Variants in SSR3 observed in about 807,000 individuals in gnomAD.
SSR3 encodes signal sequence receptor subunit 3.
Under a neutral mutation model 22.1 loss-of-function variants are expected in SSR3, and 10 were observed. The observed-to-expected ratio is 0.45, with a 90% CI of 0.28 to 0.77. The LOEUF is 0.77. SSR3 is among the 30% of genes least tolerant of loss of function. SSR3 has a pLI of 0.13. For missense variants in SSR3, 181 were observed against 220.5 expected (o/e 0.82, Z 1.13); for synonymous variants, 104 against 82.5 (o/e 1.26, Z -1.42).
At chr3:156,547,871 T>C (rs1719816175) in intron 3 of SSR3, among the ~76,000 whole-genome samples, 1 of 152,206 alleles carries the variant, frequency 6.6e-6, no homozygotes. Context: ...CCCTGACACC[T>C]GGAAACCCAC....
In SSR3 at chr3:156,540,023, A is replaced by ACTT. The variant is rs1036337163; in HGVS notation, c.*3177_*3179dup. 4 of 152,242 alleles carry ACTT rather than the reference A, an allele frequency of 2.6e-5. No homozygotes were observed. The highest frequency in any genetic ancestry group is 4.4e-5 in the Non-Finnish European group (3 of 68,044). The allele number at this position is 152,242 out of a possible 1,614,324, so 9.4% of individuals were successfully genotyped here. A position where few individuals can be genotyped will look rare whatever the true frequency, so the allele number is the denominator to read the frequency against. On this transcript the variant is annotated 3_prime_UTR_variant, in exon 5 of 5. Transcript: ENST00000265044. ...GCATGGTCAGCACATGTATCCCAGA[A>ACTT]CTTAAAGTAAAATAAAAAATAAAAC...
rs577190463 is a variant in SSR3, at chr3:156,540,999, T to A, written c.*2204A>T. ...CTTTATAATCTTATGCACAGAAATG[T>A]ATCTATTAGTACAGAAAGTTGGAAA... On this transcript the variant is annotated 3_prime_UTR_variant, in exon 5 of 5. Coordinates refer to ENST00000265044, the MANE Select transcript of SSR3 (RefSeq NM_007107.5). The A allele has an allele frequency of 2.0e-4, 31 of 152,300 alleles. No individual in the cohort carries two copies. Among genetic ancestry groups the A allele is most frequent in the African/African-American group, 7.5e-4 (31 of 41,564 alleles). 9.4% of individuals were successfully genotyped at this position (152,300 alleles called of 1,614,324 possible).
rs1028138766 is a variant in SSR3 at position 156,540,274 on chromosome 3, T to C, written c.*2929A>G. 2 of 152,184 alleles carry C rather than the reference T, an allele frequency of 1.3e-5. No individual in the cohort carries two copies. The highest frequency in any genetic ancestry group is 4.8e-5 in the African/African-American group (2 of 41,438). 9.4% of individuals were successfully genotyped at this position (152,184 alleles called of 1,614,324 possible). A position where few individuals can be genotyped will look rare whatever the true frequency, so the allele number is the denominator to read the frequency against. On this transcript the variant is annotated 3_prime_UTR_variant, in exon 5 of 5. Transcript: ENST00000265044. ...TTATCCTTTCCAAGTTTCAATAATA[T>C]GGCAAATAGGACAACCAGTAAACTT...
chr3:156,550,524 T>A (rs1228705822), intron 2 of SSR3, among the ~76,000 whole-genome samples: 1 of 152,188 alleles, frequency 6.6e-6, no homozygotes, highest in African/African-American at 2.4e-5. Flanking sequence ...CTTAGAGCTC[T>A]CAGAAAATAA....
chr3:156,550,988 C>T (rs985919921), intron 2 of SSR3, among the ~76,000 whole-genome samples: 1 of 152,208 alleles, frequency 6.6e-6, no homozygotes, highest in African/African-American at 2.4e-5. Flanking sequence ...GGCACTGGAA[C>T]CCAGACTGTC....
At chr3:156,554,767 C>G in intron 1 of SSR3, 190 bp downstream of exon 1, 1 of 718,454 alleles carries the variant, frequency 1.4e-6, no homozygotes, top group African/African-American at 1.8e-5. Flanking sequence ...GAGTGCTGCA[C>G]AGGACAATCC....
intron 1 of SSR3, chr3:156,554,716 G>A: frequency 1.9e-6 from 1 of 527,012 alleles, no homozygotes; most frequent in Non-Finnish European, 3.3e-6. Flanking sequence ...CTCCTGGGGT[G>A]GAGCTCGGGA....
At chr3:156,548,837 C>CA (rs1719848728) in intron 3 of SSR3, 68 bp downstream of exon 3, 6 of 1,573,240 alleles carry the variant, frequency 3.8e-6, no homozygotes, top group Middle Eastern at 3.4e-4. Flanking sequence ...ATTCTTTAAG[C>CA]AAAAATCAAA....
chr3:156,553,608 A>C (rs1326725873), intron 2 of SSR3, 47 bp downstream of exon 2: 1 of 1,572,026 alleles, frequency 6.4e-7, no homozygotes, highest in Non-Finnish European at 8.6e-7. Flanking sequence ...GAAGACATAT[A>C]AAAATATAAC....
At chr3:156,543,866 T>C (rs570298724) in intron 4 of SSR3, 10 of 168,970 alleles carry the variant, frequency 5.9e-5, no homozygotes, top group Non-Finnish European at 1.1e-4. Flanking sequence ...AGAAGACTGA[T>C]TCTTGCCCAA....
chr3:156,547,116 A>G (rs896781771), intron 3 of SSR3, among the ~76,000 whole-genome samples: 1 of 152,184 alleles, frequency 6.6e-6, no homozygotes, highest in Non-Finnish European at 1.5e-5. Flanking sequence ...AAAACAGCCA[A>G]ATTTCTACCA....
At chr3:156,552,195 T>C (rs1005457367) in intron 2 of SSR3, among the ~76,000 whole-genome samples, 3 of 151,756 alleles carry the variant, frequency 2.0e-5, no homozygotes, top group African/African-American at 7.3e-5. Context: ...TCCCAGCTAT[T>C]TGGGAGGCTG....
Position 156,540,957 on chromosome 3 carries a change from T to A in SSR3, c.*2246A>T, listed in dbSNP as rs1197670283. 1.3e-5 allele frequency: 2 copies of A among 152,234 alleles called. No individual in the cohort carries two copies. The highest frequency in any genetic ancestry group is 4.8e-5 in the African/African-American group (2 of 41,456). 9.4% of individuals were successfully genotyped at this position (152,234 alleles called of 1,614,324 possible). On this transcript the variant is annotated 3_prime_UTR_variant, in exon 5 of 5. Transcript: ENST00000265044. Reference sequence around the variant, plus strand: ...ACAGTAAATCCTTAACGAAAACTACTGAACTGTGAGTATATGCTTTATAAT... The same window carrying A: ...ACAGTAAATCCTTAACGAAAACTACAGAACTGTGAGTATATGCTTTATAAT...
chr3:156,550,765 A>G (rs1719922052), intron 2 of SSR3, among the ~76,000 whole-genome samples: 2 of 152,244 alleles, frequency 1.3e-5, no homozygotes, highest in African/African-American at 4.8e-5. Flanking sequence ...TAAAAAACAA[A>G]AACAACTTCT....
intron 4 of SSR3, 104 bp from the exon 5 acceptor site, chr3:156,543,373 T>A: frequency 1.2e-6 from 1 of 809,492 alleles, no homozygotes; most frequent in South Asian, 1.7e-5. Context: ...TTCCTGACAC[T>A]TGGTGTAATC....
At chr3:156,552,174 C>T (rs922242977) in intron 2 of SSR3, among the ~76,000 whole-genome samples, 2 of 151,846 alleles carry the variant, frequency 1.3e-5, no homozygotes, top group African/African-American at 4.8e-5. Flanking sequence ...GGTAGTAGTG[C>T]GTGCCTGTAG....
intron 2 of SSR3, among the ~76,000 whole-genome samples, chr3:156,551,163 G>A (rs1719939001): frequency 6.6e-6 from 1 of 152,030 alleles, no homozygotes; most frequent in Non-Finnish European, 1.5e-5. Context: ...TCCATTCTGA[G>A]TCTATTAAGT....
intron 4 of SSR3, 136 bp downstream of exon 4, chr3:156,544,172 T>C (rs921550502): frequency 3.2e-6 from 2 of 619,206 alleles, no homozygotes; most frequent in Non-Finnish European, 5.0e-6. Flanking sequence ...CAGAAAGTTA[T>C]CTAAAGTCAG....
chr3:156,548,168 T>C (rs1719827165), intron 3 of SSR3, among the ~76,000 whole-genome samples: 2 of 152,184 alleles, frequency 1.3e-5, no homozygotes, highest in Admixed American at 6.5e-5. Flanking sequence ...TATTAAACTA[T>C]GTGGCAATTC....
Sources: gnomAD v4.1 joint callset for allele counts (sites outside exome capture counted in the v4.1 genomes callset) on GRCh38, gnomAD v4.1.1 for gene constraint, MANE v1.5 for transcripts, NCBI Gene and HGNC (gene_info 2026-07-23, HGNC 2026-07-21) for gene names.